Variants in PCNX2 observed in about 807,000 individuals in gnomAD.
PCNX2 encodes the protein pecanex 2.
In PCNX2, 168 loss-of-function variants were observed where a neutral mutation model predicts 223.8. The observed-to-expected ratio is 0.75, with a 90% CI of 0.66 to 0.85. The LOEUF (loss-of-function observed/expected upper bound fraction) is 0.85, where lower values mean the gene tolerates loss of function less well. Among genes scored for constraint, PCNX2 ranks in the 40% least tolerant of loss-of-function variants. PCNX2 has a pLI of 0.00. For missense variants in PCNX2, 2,507 were observed against 2,675.5 expected, an observed-to-expected ratio of 0.94 and a Z score of 1.39; for synonymous variants, 1,006 against 1,052.6, an observed-to-expected ratio of 0.96 and a Z score of 0.86.
chr1:233,150,520 T>C (rs1177085477), intron 19 of PCNX2, among the ~76,000 whole-genome samples: 2 of 152,184 alleles, frequency 1.3e-5, no homozygotes, highest in Non-Finnish European at 2.9e-5. Flanking sequence ...CTTTCATTTG[T>C]TTAATTAGTG....
intron 17 of PCNX2, among the ~76,000 whole-genome samples, chr1:233,169,069 C>T (rs184678352): frequency 3.3e-5 from 5 of 151,828 alleles, no homozygotes; most frequent in Non-Finnish European, 4.4e-5. Flanking sequence ...ATATAATTTG[C>T]CTATAGGGTT....
intron 21 of PCNX2, among the ~76,000 whole-genome samples, chr1:233,124,820 C>T (rs1430004545): frequency 6.6e-6 from 1 of 152,234 alleles, no homozygotes; most frequent in African/African-American, 2.4e-5. Context: ...AAATCCTTCA[C>T]AGGTAATAAA....
At chr1:233,135,692 G>A (rs74438997) in intron 20 of PCNX2, among the ~76,000 whole-genome samples, 3,040 of 152,322 alleles carry the variant, frequency 0.02, 38 homozygotes, top group East Asian at 0.051. Flanking sequence ...GACATAACAG[G>A]TAGGAAATTC....
intron 21 of PCNX2, 42 bp from the exon 22 acceptor site, chr1:233,095,905 CA>C: frequency 7.0e-7 from 1 of 1,423,642 alleles, no homozygotes; most frequent in South Asian, 1.2e-5. Context: ...AGGACAATGA[CA>C]ACAGTGGTAA....
At chr1:233,043,164 T>C (rs7541494) in intron 25 of PCNX2, among the ~76,000 whole-genome samples, 21,857 of 152,216 alleles carry the variant, frequency 0.14, 1,740 homozygotes, top group African/African-American at 0.21. Flanking sequence ...TGATTCCTCA[T>C]TCATTTTTCT....
At chr1:233,233,001 G>C in intron 9 of PCNX2, 1 of 985,406 alleles carries the variant, frequency 1.0e-6, no homozygotes, top group Non-Finnish European at 1.2e-6. Context: ...ATATCCAGGT[G>C]AGAGTAAATG....
rs541253949 is a variant in PCNX2, at chr1:233,177,105, G to T, written c.3273+697C>A. Among the ~76,000 whole-genome samples the T allele has an allele frequency of 1.1e-4, 17 of 152,300 alleles. No homozygotes were observed. The East Asian group carries it at 2.9e-3, about 26-fold the overall frequency. On this transcript the variant is annotated intron_variant, in intron 17 of 33. Coordinates refer to ENST00000258229, the MANE Select transcript of PCNX2 (RefSeq NM_014801.4). ...CTCCCCATTTAATTAGGAATAAATA[G>T]TAACTTCTCTTAGAAGCAAAATTTA...
intron 1 of PCNX2, among the ~76,000 whole-genome samples, chr1:233,284,237 T>C (rs1222251839): frequency 2.0e-5 from 3 of 152,210 alleles, no homozygotes; most frequent in Non-Finnish European, 4.4e-5. Context: ...CTGGGTGTGA[T>C]AATTACATGG....
At chr1:233,129,957 A>G (rs143936257) in intron 21 of PCNX2, among the ~76,000 whole-genome samples, 3 of 152,262 alleles carry the variant, frequency 2.0e-5, no homozygotes, top group African/African-American at 7.2e-5. Flanking sequence ...TTTGCTGCTC[A>G]CTGTTCGGGT....
chr1:233,253,216 A>G lies in PCNX2; in HGVS notation c.1835-428T>C, dbSNP rs527535847. Reference sequence around the variant, plus strand: ...GAACAAGGTCCCCTTTACCATTTATAAATCTTATCAGTCTTTCTTCTCACT... The same window carrying G: ...GAACAAGGTCCCCTTTACCATTTATGAATCTTATCAGTCTTTCTTCTCACT... On this transcript the variant is annotated intron_variant, in intron 5 of 33. Transcript: ENST00000258229. This position sits in a 1 kb window ranked among gnomAD's most constrained non-coding sequence, Gnocchi z 4.2. Among the ~76,000 whole-genome samples the G allele has an allele frequency of 2.2e-4, 34 of 152,256 alleles. No homozygotes were observed. The highest frequency in any genetic ancestry group is 4.6e-4 in the Non-Finnish European group (31 of 68,042).
At chr1:233,093,512 C>T (rs1412156409) in intron 22 of PCNX2, among the ~76,000 whole-genome samples, 1 of 152,194 alleles carries the variant, frequency 6.6e-6, no homozygotes, top group African/African-American at 2.4e-5. Flanking sequence ...AGGGCTGACA[C>T]TTAATAACTT....
chr1:233,004,460 CTT>C (rs537817732), intron 28 of PCNX2, among the ~76,000 whole-genome samples: 10 of 143,896 alleles, frequency 6.9e-5, no homozygotes, highest in Non-Finnish European at 9.2e-5. Flanking sequence ...ACAGTTTCTC[CTT>C]TTTTTTTTTT....
At chr1:233,175,327 T>C (rs1679418962) in intron 17 of PCNX2, among the ~76,000 whole-genome samples, 1 of 152,198 alleles carries the variant, frequency 6.6e-6, no homozygotes, top group South Asian at 2.1e-4. Flanking sequence ...CTCCACACTG[T>C]ACAAAGCATT....
At chr1:233,145,773 T>G (rs1677411102) in intron 19 of PCNX2, among the ~76,000 whole-genome samples, 1 of 152,178 alleles carries the variant, frequency 6.6e-6, no homozygotes, top group African/African-American at 2.4e-5. Flanking sequence ...ATTGGTATTT[T>G]TATTGTTTTA....
chr1:233,279,990 G>C (rs895797933), intron 1 of PCNX2, among the ~76,000 whole-genome samples: 1 of 151,992 alleles, frequency 6.6e-6, no homozygotes, highest in Admixed American at 6.5e-5. Flanking sequence ...GTGTCTTTTT[G>C]AAACAGAATT....
intron 23 of PCNX2, among the ~76,000 whole-genome samples, chr1:233,074,033 GT>G (rs1672974980): frequency 6.6e-6 from 1 of 152,090 alleles, no homozygotes; most frequent in Non-Finnish European, 1.5e-5. Flanking sequence ...TCTTGAAGTA[GT>G]TTTTAATTTT....
chr1:233,208,846 A>C (rs1681655208), intron 12 of PCNX2, among the ~76,000 whole-genome samples, 157 bp from the exon 13 acceptor site: 1 of 150,414 alleles, frequency 6.6e-6, no homozygotes, highest in Non-Finnish European at 1.5e-5. Flanking sequence ...AAAAAAAAAA[A>C]AAAAACAGGA....
At chr1:233,159,156 A>G (rs1264672081) in intron 19 of PCNX2, among the ~76,000 whole-genome samples, 1 of 152,040 alleles carries the variant, frequency 6.6e-6, no homozygotes. Flanking sequence ...CCCTCCCTGC[A>G]CTTCTAAACC....
At chr1:233,112,734 A>AC in intron 21 of PCNX2, 3 of 894,446 alleles carry the variant, frequency 3.4e-6, no homozygotes, top group South Asian at 3.8e-5. Context: ...AAATTCACAT[A>AC]TTTATTATAG....
Sources: gnomAD v4.1 joint callset for allele counts (sites outside exome capture counted in the v4.1 genomes callset) on GRCh38, gnomAD v4.1.1 for gene constraint, Gnocchi (gnomAD v3.1) non-coding constraint, MANE v1.5 for transcripts, NCBI Gene and HGNC (gene_info 2026-07-23, HGNC 2026-07-21) for gene names.